RICTOR: variants seen among roughly 807,000 people sequenced by gnomAD.
RICTOR encodes the protein rapamycin-insensitive companion of mTOR.
Under a neutral mutation model 214.9 loss-of-function variants are expected in RICTOR, and 49 were observed. The observed-to-expected ratio is 0.23, with a 90% confidence interval of 0.18 to 0.29. The LOEUF (loss-of-function observed/expected upper bound fraction) is 0.29, where lower values mean the gene tolerates loss of function less well. Among genes scored for constraint, RICTOR ranks in the 10% least tolerant of loss-of-function variants. RICTOR has a pLI of 1.00. For synonymous variants in RICTOR, 717 were observed against 711.3 expected (o/e 1.01, Z -0.13); for missense variants, 1,625 against 2,047.0 (o/e 0.79, Z 3.98).
chr5:39,048,505 T>A (rs1227806437), intron 2 of RICTOR, among the ~76,000 whole-genome samples: 1 of 152,174 alleles, frequency 6.6e-6, no homozygotes, highest in African/African-American at 2.4e-5. Flanking sequence ...ATAAAAACCC[T>A]GGGCACTGAG....
At position 38,971,763 on chromosome 5, in the gene RICTOR, A is replaced by C. The variant is rs13165709; in HGVS notation, c.972+114T>G. 6 of 624,246 alleles carry C rather than the reference A, an allele frequency of 9.6e-6. No homozygotes were observed. In the East Asian group the frequency reaches 1.7e-4, roughly 18 times the overall value. 38.7% of individuals were successfully genotyped at this position (624,246 alleles called of 1,614,324 possible). A position where few individuals can be genotyped will look rare whatever the true frequency, so the allele number is the denominator to read the frequency against. On this transcript the variant is annotated intron_variant, in intron 11 of 37. Coordinates refer to ENST00000357387, the MANE Select transcript of RICTOR (RefSeq NM_152756.5). ...TTTACTTCTGTATTTTAAAAATATGATCTAGATTAACAACTAATGAGGAAA... is the reference window on the plus strand; with the variant it reads ...TTTACTTCTGTATTTTAAAAATATGCTCTAGATTAACAACTAATGAGGAAA...
rs1491364965 is a variant in RICTOR at position 38,990,594 on chromosome 5, TAC to T, written c.583+353_583+354del. ...ATATATATGATATATACATGATATA[TAC>T]GATATATATGATATATATACGATAT... On this transcript the variant is annotated intron_variant, in intron 7 of 37. Coordinates refer to ENST00000357387, the MANE Select transcript of RICTOR (RefSeq NM_152756.5). 6.3e-3 allele frequency among the ~76,000 whole-genome samples: 704 copies of T among 111,378 alleles called. 107 individuals are homozygous for T. Among genetic ancestry groups the T allele is most frequent in the African/African-American group, 0.023 (672 of 29,064 alleles). 73.1% of individuals were successfully genotyped at this position (111,378 alleles called of 152,430 possible). A position where few individuals can be genotyped will look rare whatever the true frequency, so the allele number is the denominator to read the frequency against.
chr5:38,990,617 G>GATATGAT (rs1752567999), intron 7 of RICTOR, among the ~76,000 whole-genome samples: 1 of 92,100 alleles, frequency 1.1e-5, no homozygotes, highest in Non-Finnish European at 2.1e-5. Context: ...ATATATATAC[G>GATATGAT]ATATATGATA....
chr5:39,017,300 T>C (rs1331513222), intron 3 of RICTOR, among the ~76,000 whole-genome samples: 1 of 152,166 alleles, frequency 6.6e-6, no homozygotes, highest in Non-Finnish European at 1.5e-5. Flanking sequence ...GTGAGGCTTA[T>C]TTGAATTGAG....
intron 7 of RICTOR, among the ~76,000 whole-genome samples, chr5:38,983,950 G>C (rs1751938546): frequency 6.6e-6 from 1 of 152,188 alleles, no homozygotes; most frequent in Non-Finnish European, 1.5e-5. Context: ...TGGTGGCAGA[G>C]TGAGACTCCA....
chr5:39,003,241 A>G (rs1753786421), intron 4 of RICTOR, among the ~76,000 whole-genome samples: 1 of 152,166 alleles, frequency 6.6e-6, no homozygotes, highest in South Asian at 2.1e-4. Flanking sequence ...GGTAAGACCT[A>G]GAGTTATAGT....
At chr5:38,957,065 G>A (rs1749322044) in intron 25 of RICTOR, among the ~76,000 whole-genome samples, 2 of 152,072 alleles carry the variant, frequency 1.3e-5, no homozygotes, top group Non-Finnish European at 1.5e-5. Context: ...ATGCTTCGAT[G>A]ACTTATAATA....
At chr5:38,990,525 C>CAA (rs1263796203) in intron 7 of RICTOR, among the ~76,000 whole-genome samples, 2,318 of 145,796 alleles carry the variant, frequency 0.016, 36 homozygotes, top group Middle Eastern at 0.026. Context: ...GATATATATA[C>CAA]GATATATATA....
At chr5:39,028,504 A>G (rs1756027611) in intron 2 of RICTOR, among the ~76,000 whole-genome samples, 1 of 152,152 alleles carries the variant, frequency 6.6e-6, no homozygotes, top group Non-Finnish European at 1.5e-5. Context: ...ACACTGTTGG[A>G]GGAGCATGAA....
chr5:39,055,324 T>C (rs954323561), intron 2 of RICTOR, among the ~76,000 whole-genome samples: 2 of 152,060 alleles, frequency 1.3e-5, no homozygotes, highest in Admixed American at 6.6e-5. Context: ...TTTTGGCTAG[T>C]TTTTCCTTCT....
intron 3 of RICTOR, among the ~76,000 whole-genome samples, chr5:39,004,552 C>T (rs577705822): frequency 3.5e-4 from 53 of 151,986 alleles, no homozygotes; most frequent in Non-Finnish European, 6.0e-4. Context: ...CTCTGCCTCC[C>T]GGGTTCAAGT....
chr5:39,030,056 T>C (rs1464021299), intron 2 of RICTOR, among the ~76,000 whole-genome samples: 1 of 152,170 alleles, frequency 6.6e-6, no homozygotes, highest in Non-Finnish European at 1.5e-5. Flanking sequence ...GCTATGTTAA[T>C]GATCACATTA....
intron 2 of RICTOR, among the ~76,000 whole-genome samples, chr5:39,054,287 A>T (rs1758056519): frequency 1.3e-5 from 2 of 152,164 alleles, no homozygotes; most frequent in South Asian, 2.1e-4. Flanking sequence ...AGAAAAAAAG[A>T]TTGTTTCCAA....
chr5:38,963,337 T>C (rs935375230), intron 16 of RICTOR, among the ~76,000 whole-genome samples: 1 of 152,008 alleles, frequency 6.6e-6, no homozygotes, highest in African/African-American at 2.4e-5. Flanking sequence ...CCTAGTTTTC[T>C]ATATTTTCTT....
At chr5:38,972,146 A>T (rs1411717633) in intron 10 of RICTOR, among the ~76,000 whole-genome samples, 187 bp from the exon 11 acceptor site, 1 of 152,190 alleles carries the variant, frequency 6.6e-6, no homozygotes. Flanking sequence ...TTCTCTATTG[A>T]TTAGAGATTA....
chr5:39,000,895 G>A (rs899509907), intron 5 of RICTOR, among the ~76,000 whole-genome samples: 1 of 151,828 alleles, frequency 6.6e-6, no homozygotes, highest in African/African-American at 2.4e-5. Flanking sequence ...AAATATCTTA[G>A]AATAAACTGA....
At position 38,962,573 on chromosome 5, in the gene RICTOR, G is replaced by A; in HGVS notation, c.1580C>T (p.Ala527Val). The part of the protein sequence containing the change: ...DIFILKDTEE[A>V]LLINLRDSQV... ...GCTATCTCTAAGGTTAATTAAAAGAGCTTCCTCTGTATCCTAAAATCATCA... is the reference window on the plus strand; with the variant it reads ...GCTATCTCTAAGGTTAATTAAAAGAACTTCCTCTGTATCCTAAAATCATCA... The change falls in exon 18 of 38, where the codon GCT (alanine) becomes GTT (valine). Residue 527 changes from alanine (A) to valine (V), a missense_variant. This residue lies in a region of RICTOR where 1,214 missense variants were observed against 1,470.5 expected (regional missense o/e 0.83). Transcript: ENST00000357387. 2.0e-6 allele frequency: 3 copies of A among 1,537,084 alleles called. No homozygotes were observed. Among genetic ancestry groups the A allele is most frequent in the Non-Finnish European group, 2.7e-6 (3 of 1,126,282 alleles).
intron 2 of RICTOR, among the ~76,000 whole-genome samples, chr5:39,063,738 G>T (rs1433009500): frequency 6.6e-6 from 1 of 151,738 alleles, no homozygotes; most frequent in African/African-American, 2.4e-5. Context: ...ACTAACCCAT[G>T]TGATCATATA....
chr5:38,938,965 G>GA lies in RICTOR; in HGVS notation c.*3338dup. The stretch of plus-strand genomic sequence containing the variant: ...GGATTGTGAATCTGAGACAAAAGTG[G>GA]AAGCATAAGACTAAAGGAGAAAAAA... On this transcript the variant is annotated 3_prime_UTR_variant, in exon 38 of 38. Transcript: ENST00000357387. The GA allele has an allele frequency of 4.3e-6, 1 of 232,968 alleles. No individual in the cohort carries two copies. The highest frequency in any genetic ancestry group is 8.5e-6 in the Non-Finnish European group (1 of 117,662). The allele number at this position is 232,968 out of a possible 1,614,324, so 14.4% of individuals were successfully genotyped here.
Sources: allele counts gnomAD v4.1 joint callset (sites outside exome capture counted in the v4.1 genomes callset), GRCh38; gene constraint gnomAD v4.1.1; regional missense constraint gnomAD v4.1.1; transcripts MANE v1.5; gene names NCBI Gene and HGNC (gene_info 2026-07-23, HGNC 2026-07-21).